The following ATP8A2 variants were observed in gnomAD, a reference collection of about 807,000 sequenced individuals.
The protein encoded by ATP8A2 is phospholipid-transporting ATPase IB.
ATP8A2 carries 100 observed loss-of-function variants against 165.6 expected under a neutral mutation model. That is an observed-to-expected ratio of 0.60 (90% CI 0.51 to 0.71). The LOEUF is 0.71. Ranked by LOEUF, ATP8A2 falls within the 30% of genes least tolerant of loss-of-function variation. The probability of loss-of-function intolerance (pLI) is 0.00; values close to 1 mark genes in which losing one functional copy is unlikely to be tolerated. For missense variants in ATP8A2, 1,227 were observed against 1,479.5 expected, an observed-to-expected ratio of 0.83 and a Z score of 2.80; for synonymous variants, 543 against 548.8, an observed-to-expected ratio of 0.99 and a Z score of 0.15.
At chr13:25,712,662 C>A (rs2137986715) in intron 25 of ATP8A2, among the ~76,000 whole-genome samples, 2 of 152,280 alleles carry the variant, frequency 1.3e-5, no homozygotes, top group African/African-American at 4.8e-5. Flanking sequence ...AGACAAAAGA[C>A]ATAATAAAAG....
At chr13:25,531,985 G>T (rs184053913) in intron 4 of ATP8A2, among the ~76,000 whole-genome samples, 1 of 152,280 alleles carries the variant, frequency 6.6e-6, no homozygotes, top group African/African-American at 2.4e-5. Context: ...TTGTTGCTGG[G>T]TTTATCACAC....
chr13:25,444,322 C>CT (rs796937804), intron 1 of ATP8A2, among the ~76,000 whole-genome samples: 10 of 151,344 alleles, frequency 6.6e-5, no homozygotes, highest in African/African-American at 1.9e-4. Flanking sequence ...AGGTTGCTTC[C>CT]TTTTTTTTTC....
intron 1 of ATP8A2, among the ~76,000 whole-genome samples, chr13:25,423,940 A>G (rs886442095): frequency 6.6e-6 from 1 of 152,186 alleles, no homozygotes; most frequent in African/African-American, 2.4e-5. Context: ...AGCGTGGGCA[A>G]AGTTTAAAGA....
intron 33 of ATP8A2, among the ~76,000 whole-genome samples, chr13:25,888,542 G>A (rs1394969253): frequency 6.6e-6 from 1 of 152,188 alleles, no homozygotes; most frequent in Non-Finnish European, 1.5e-5. Context: ...TTACCGCTGG[G>A]TTCAACCCAG....
chr13:25,968,075 C>T (rs1459339250), intron 34 of ATP8A2, among the ~76,000 whole-genome samples: 1 of 152,206 alleles, frequency 6.6e-6, no homozygotes, highest in Non-Finnish European at 1.5e-5. Context: ...CTCTAGCATC[C>T]TAAGCCCCGT....
At chr13:25,537,911 A>T in intron 6 of ATP8A2, 77 bp from the exon 7 acceptor site, 2 of 987,942 alleles carry the variant, frequency 2.0e-6, no homozygotes, top group Admixed American at 2.1e-5. Flanking sequence ...TTCTTCAAAT[A>T]TTTAAGCACC....
chr13:25,839,597 T>C lies in ATP8A2; in HGVS notation c.2929T>C (p.Trp977Arg). 1.2e-6 allele frequency: 2 copies of C among 1,614,102 alleles called. No individual in the cohort carries two copies. The highest frequency in any genetic ancestry group is 1.7e-6 in the Non-Finnish European group (2 of 1,179,966). ...CTTGGTCCACTCCCTCATCCTCTTC[T>C]GGTTTCCCATGAAAGCTCTGGAGCA... ...NALVHSLILF[W>R]FPMKALEHDT... Residue 977 changes from tryptophan to arginine, a missense_variant, in exon 30 of 37, where the codon TGG (tryptophan) becomes CGG (arginine). By Grantham distance (101) the Trp-to-Arg change is moderately radical. This residue lies in a region of ATP8A2 where 260 missense variants were observed against 245.1 expected (regional missense o/e 1.06). Transcript: ENST00000381655.
intron 33 of ATP8A2, among the ~76,000 whole-genome samples, chr13:25,948,479 T>C (rs1955268183): frequency 6.6e-6 from 1 of 152,118 alleles, no homozygotes; most frequent in East Asian, 1.9e-4. Flanking sequence ...GCCACAGTAG[T>C]TAAGTAACGA....
chr13:25,911,901 C>G lies in ATP8A2; in HGVS notation c.3183+49493C>G, dbSNP rs554470560. Reference sequence around the variant, plus strand: ...AAATTAACTGTGGAGAAAAGGGAACCCTTGTACACTGTAGTTTGGAATGTG... The same window carrying G: ...AAATTAACTGTGGAGAAAAGGGAACGCTTGTACACTGTAGTTTGGAATGTG... On this transcript the variant is annotated intron_variant, in intron 33 of 36. Coordinates refer to ENST00000381655, the MANE Select transcript of ATP8A2 (RefSeq NM_016529.6). Among the ~76,000 whole-genome samples, 4 of 152,182 alleles carry G rather than the reference C, an allele frequency of 2.6e-5. No homozygotes were observed. In the East Asian group the frequency reaches 7.7e-4, roughly 29 times the overall value.
intron 35 of ATP8A2, among the ~76,000 whole-genome samples, chr13:26,009,990 T>A (rs1192148884): frequency 6.6e-6 from 1 of 152,066 alleles, no homozygotes; most frequent in Non-Finnish European, 1.5e-5. Context: ...CGCTTGAACC[T>A]AGTAGGCAGA....
rs185414464 is a variant in ATP8A2 at position 25,387,644 on chromosome 13, G to A, written c.76+15356G>A. Among the ~76,000 whole-genome samples, 5 of 152,218 alleles carry A rather than the reference G, an allele frequency of 3.3e-5. No individual in the cohort carries two copies. In the East Asian group the frequency reaches 9.6e-4, roughly 29 times the overall value. On this transcript the variant is annotated intron_variant, in intron 1 of 36. Coordinates refer to ENST00000381655, the MANE Select transcript of ATP8A2 (RefSeq NM_016529.6). ...TGGAGTGACTGGAACATTATTTAGA[G>A]CTGTAATTTTCTAAAACTTGAATAA...
intron 2 of ATP8A2, among the ~76,000 whole-genome samples, chr13:25,496,557 A>T (rs1304093428): frequency 2.0e-5 from 3 of 152,206 alleles, no homozygotes; most frequent in Non-Finnish European, 4.4e-5. Context: ...TAAATAAATG[A>T]TGCAAAAAAA....
At chr13:25,715,009 G>A (rs1257195332) in intron 25 of ATP8A2, among the ~76,000 whole-genome samples, 1 of 152,166 alleles carries the variant, frequency 6.6e-6, no homozygotes, top group Non-Finnish European at 1.5e-5. Flanking sequence ...TTGGATAAAT[G>A]CTTCATTTGA....
intron 21 of ATP8A2, 75 bp downstream of exon 21, chr13:25,578,974 G>T: frequency 9.7e-7 from 1 of 1,030,108 alleles, no homozygotes; most frequent in Middle Eastern, 2.0e-4. Context: ...ATTTCCAGGG[G>T]CACATTCTTC....
intron 24 of ATP8A2, among the ~76,000 whole-genome samples, chr13:25,589,939 A>G (rs1442524038): frequency 6.6e-6 from 1 of 152,202 alleles, no homozygotes; most frequent in Non-Finnish European, 1.5e-5. Context: ...AGAATTGTGC[A>G]TTTAAAATGG....
intron 24 of ATP8A2, among the ~76,000 whole-genome samples, chr13:25,653,996 G>C (rs1163419080): frequency 2.0e-5 from 3 of 152,130 alleles, no homozygotes; most frequent in African/African-American, 7.2e-5. Context: ...AGAAAGGTGA[G>C]GGAAAGGTGG....
At chr13:26,016,154 C>T (rs1048920758) in intron 36 of ATP8A2, among the ~76,000 whole-genome samples, 1 of 152,214 alleles carries the variant, frequency 6.6e-6, no homozygotes, top group East Asian at 1.9e-4. Context: ...TCTCCTTTCA[C>T]TCTTGAATTG....
chr13:25,625,583 G>A (rs2041080160), intron 24 of ATP8A2, among the ~76,000 whole-genome samples: 1 of 152,184 alleles, frequency 6.6e-6, no homozygotes, highest in Non-Finnish European at 1.5e-5. Context: ...AGGGGCAGAG[G>A]GTGTCTCATT....
At chr13:25,510,167 T>A (rs2037176467) in intron 2 of ATP8A2, among the ~76,000 whole-genome samples, 1 of 141,802 alleles carries the variant, frequency 7.1e-6, no homozygotes, top group African/African-American at 2.6e-5. Context: ...TGTTCCCGTC[T>A]GTCTGTAACA....
Sources: gnomAD v4.1 joint callset for allele counts (sites outside exome capture counted in the v4.1 genomes callset) on GRCh38, gnomAD v4.1.1 for gene constraint, gnomAD v4.1.1 regional missense constraint, MANE v1.5 for transcripts, NCBI Gene and HGNC (gene_info 2026-07-23, HGNC 2026-07-21) for gene names.